RYR2: variants seen among roughly 807,000 people sequenced by gnomAD.
RYR2 encodes cardiac muscle ryanodine receptor-calcium release channel.
RYR2 carries 227 observed loss-of-function variants against 601.1 expected under a neutral mutation model. The observed-to-expected ratio is 0.38, with a 90% CI of 0.34 to 0.42. The LOEUF (loss-of-function observed/expected upper bound fraction) is 0.42. Among genes scored for constraint, RYR2 ranks in the 10% least tolerant of loss-of-function variants. RYR2 has a pLI of 1.00. For missense variants in RYR2, 4,646 were observed against 6,156.5 expected (o/e 0.75, Z 8.21); for synonymous variants, 2,223 against 2,175.1 (o/e 1.02, Z -0.61).
Position 237,511,747 on chromosome 1 carries a change from A to C in RYR2, c.2778A>C (p.Glu926Asp), listed in dbSNP as rs1258718843. ...PCLVEFSKLPEQERNYNLQMS... is the reference protein window; with the variant it reads ...PCLVEFSKLPDQERNYNLQMS... Reference sequence around the variant, plus strand: ...TGGTGGAGTTCTCCAAGCTGCCTGAACAGGAGCGCAATTACAACTTACAAA... The same window carrying C: ...TGGTGGAGTTCTCCAAGCTGCCTGACCAGGAGCGCAATTACAACTTACAAA... Residue 926 changes from glutamate (E) to aspartate (D), a missense_variant, in exon 24 of 105, where the codon GAA (glutamate) becomes GAC (aspartate). By Grantham distance (45) the Glu-to-Asp change is conservative. This residue lies in a region of RYR2 where 1,807 missense variants were observed against 2,088.1 expected (regional missense o/e 0.87). Transcript: ENST00000366574. 1 of 1,566,410 alleles carries C rather than the reference A, an allele frequency of 6.4e-7. No individual in the cohort carries two copies. The highest frequency in any genetic ancestry group is 1.2e-5 in the South Asian group (1 of 84,670).
chr1:237,597,621 A>G (rs941307150), intron 34 of RYR2, among the ~76,000 whole-genome samples: 34 of 151,992 alleles, frequency 2.2e-4, no homozygotes, highest in African/African-American at 7.7e-4. Context: ...TCAGCTTAAG[A>G]TGGTCTATTA....
intron 1 of RYR2, among the ~76,000 whole-genome samples, chr1:237,230,171 CAACT>C: frequency 6.6e-6 from 1 of 152,186 alleles, no homozygotes; most frequent in East Asian, 1.9e-4. Flanking sequence ...TAAAAACAAC[CAACT>C]AACAAAAGAA....
At chr1:237,396,782 T>C (rs1050295772) in intron 10 of RYR2, among the ~76,000 whole-genome samples, 3 of 152,126 alleles carry the variant, frequency 2.0e-5, no homozygotes, top group Non-Finnish European at 2.9e-5. Flanking sequence ...CTTCCAAACA[T>C]ACACAAAAGA....
chr1:237,124,544 A>T (rs940323344), intron 1 of RYR2, among the ~76,000 whole-genome samples: 2 of 152,158 alleles, frequency 1.3e-5, no homozygotes, highest in African/African-American at 4.8e-5. Context: ...TCTAGGAGAG[A>T]ATCCGTTTTC....
At chr1:237,687,797 G>A (rs1019010675) in intron 63 of RYR2, among the ~76,000 whole-genome samples, 1 of 152,114 alleles carries the variant, frequency 6.6e-6, no homozygotes, top group Non-Finnish European at 1.5e-5. Flanking sequence ...TATCTCAGGG[G>A]TAAAAACAAA....
chr1:237,469,896 GACT>G (rs1660516269), intron 17 of RYR2, among the ~76,000 whole-genome samples: 1 of 152,170 alleles, frequency 6.6e-6, no homozygotes, highest in South Asian at 2.1e-4. Context: ...GTATTGTGGA[GACT>G]TATCAATGAC....
chr1:237,072,172 T>C (rs1664431228), intron 1 of RYR2, among the ~76,000 whole-genome samples: 1 of 152,174 alleles, frequency 6.6e-6, no homozygotes, highest in Admixed American at 6.5e-5. Flanking sequence ...GTCCTGCTTG[T>C]TCCTCGTGCC....
chr1:237,626,027 TC>T (rs1210411477), intron 40 of RYR2, among the ~76,000 whole-genome samples: 1 of 152,142 alleles, frequency 6.6e-6, no homozygotes, highest in African/African-American at 2.4e-5. Context: ...AGATGGATGG[TC>T]TCCATAGAGA....
At chr1:237,661,444 A>G (rs995228838) in intron 56 of RYR2, among the ~76,000 whole-genome samples, 2 of 152,154 alleles carry the variant, frequency 1.3e-5, no homozygotes, top group Non-Finnish European at 2.9e-5. Context: ...GTGTATACCT[A>G]TGTAACAAAC....
chr1:237,175,960 G>A (rs747283105), intron 1 of RYR2, among the ~76,000 whole-genome samples: 22 of 152,056 alleles, frequency 1.4e-4, no homozygotes, highest in East Asian at 3.9e-4. Flanking sequence ...GGCCAGGCGC[G>A]GTGGCTCATG....
chr1:237,711,454 C>T (rs932711914), intron 70 of RYR2, among the ~76,000 whole-genome samples: 3 of 152,148 alleles, frequency 2.0e-5, no homozygotes, highest in South Asian at 2.1e-4. Context: ...GCTAACCAGG[C>T]GTTTGAATAT....
intron 1 of RYR2, among the ~76,000 whole-genome samples, chr1:237,083,305 T>C (rs1031526108): frequency 2.6e-5 from 4 of 152,152 alleles, no homozygotes; most frequent in Admixed American, 1.3e-4. Context: ...AACAGCCAGA[T>C]GAAAAGCCCG....
At chr1:237,381,809 A>G (rs1024555927) in intron 8 of RYR2, among the ~76,000 whole-genome samples, 1 of 152,212 alleles carries the variant, frequency 6.6e-6, no homozygotes, top group Non-Finnish European at 1.5e-5. Context: ...AAATGGTTGT[A>G]AACGCCTCAC....
intron 1 of RYR2, among the ~76,000 whole-genome samples, chr1:237,054,187 C>CCCTTCTTCCCTTCTTTCCTCCCTT (rs1162249699): frequency 4.6e-5 from 7 of 150,812 alleles, no homozygotes; most frequent in African/African-American, 1.7e-4. Flanking sequence ...TTCCCTCCCT[C>CCCTTCTTCCCTTCTTTCCTCCCTT]CCTTCTTCCC....
Position 237,260,037 on chromosome 1 carries a change from C to A in RYR2, c.49-10460C>A, listed in dbSNP as rs2149307797. ...TGGTTTTTAGTTCATGCATACAAGG[C>A]AAAGTGTGTAGTGTTGTTACCTTCT... On this transcript the variant is annotated intron_variant, in intron 1 of 104. Coordinates refer to ENST00000366574, the MANE Select transcript of RYR2 (RefSeq NM_001035.3). Among the ~76,000 whole-genome samples the A allele has an allele frequency of 3.9e-5, 6 of 152,192 alleles. No individual in the cohort carries two copies. In the South Asian group the frequency reaches 1.2e-3, roughly 32 times the overall value.
At chr1:237,572,177 T>C (rs1018820033) in intron 29 of RYR2, among the ~76,000 whole-genome samples, 1 of 152,166 alleles carries the variant, frequency 6.6e-6, no homozygotes, top group Admixed American at 6.6e-5. Context: ...GTCAAAGTAT[T>C]AGTGGGAAGG....
chr1:237,492,781 A>G (rs1663507820), intron 18 of RYR2, among the ~76,000 whole-genome samples, 173 bp from the exon 19 acceptor site: 3 of 150,212 alleles, frequency 2.0e-5, no homozygotes, highest in African/African-American at 7.4e-5. Flanking sequence ...CTATGATCGC[A>G]TCACTGCACT....
chr1:237,243,466 A>T (rs114197095), intron 1 of RYR2, among the ~76,000 whole-genome samples: 3,327 of 152,298 alleles, frequency 0.022, 121 homozygotes, highest in African/African-American at 0.075. Context: ...AGAGCTGTGT[A>T]GGGTGAGGTA....
chr1:237,491,168 TACC>T (rs1328646545), intron 17 of RYR2, among the ~76,000 whole-genome samples: 1 of 152,230 alleles, frequency 6.6e-6, no homozygotes, highest in Non-Finnish European at 1.5e-5. Flanking sequence ...TACCTAAAAA[TACC>T]ACGATTTTTA....
Sources: allele counts gnomAD v4.1 joint callset (sites outside exome capture counted in the v4.1 genomes callset), GRCh38; gene constraint gnomAD v4.1.1; regional missense constraint gnomAD v4.1.1; transcripts MANE v1.5; gene names NCBI Gene and HGNC (gene_info 2026-07-23, HGNC 2026-07-21).